The following SYT1 variants were observed in gnomAD, a reference collection of about 807,000 sequenced individuals.
SYT1 encodes synaptotagmin-1.
SYT1 carries 8 observed loss-of-function variants against 44.8 expected under a neutral mutation model. That is an observed-to-expected ratio of 0.18 (90% CI 0.10 to 0.32). SYT1 has a LOEUF of 0.32. SYT1 is among the 10% of genes least tolerant of loss of function. SYT1 has a pLI of 1.00. For synonymous variants in SYT1, 154 were observed against 188.8 expected (o/e 0.82, Z 1.51); for missense variants, 286 against 509.3 (o/e 0.56, Z 4.22).
At chr12:78,992,808 GC>G (rs1870107295) in intron 2 of SYT1, among the ~76,000 whole-genome samples, 1 of 152,122 alleles carries the variant, frequency 6.6e-6, no homozygotes, top group Non-Finnish European at 1.5e-5. Flanking sequence ...TATCTGAGCT[GC>G]AGTCATCATG....
intron 2 of SYT1, among the ~76,000 whole-genome samples, chr12:78,989,148 G>A (rs1027999241): frequency 3.9e-5 from 6 of 152,024 alleles, no homozygotes; most frequent in African/African-American, 1.4e-4. Context: ...GGTAGGGGAG[G>A]AGAAAACAAA....
intron 1 of SYT1, among the ~76,000 whole-genome samples, chr12:78,953,576 G>A: frequency 6.6e-6 from 1 of 152,022 alleles, no homozygotes; most frequent in Non-Finnish European, 1.5e-5. Flanking sequence ...CATGGAAATG[G>A]AAATAATGCA....
intron 2 of SYT1, among the ~76,000 whole-genome samples, chr12:79,026,298 C>T (rs780878175): frequency 4.6e-5 from 7 of 151,434 alleles, no homozygotes; most frequent in Non-Finnish European, 1.0e-4. Flanking sequence ...GTTATTATTG[C>T]TTCTTGATGA....
chr12:79,006,700 T>C (rs1467018602), intron 2 of SYT1, among the ~76,000 whole-genome samples: 1 of 152,132 alleles, frequency 6.6e-6, no homozygotes, highest in Admixed American at 6.6e-5. Flanking sequence ...TGTGAGAAGA[T>C]ATTCTCGGAA....
intron 4 of SYT1, among the ~76,000 whole-genome samples, chr12:79,278,928 A>G (rs1467641784): frequency 1.3e-5 from 2 of 151,834 alleles, no homozygotes; most frequent in African/African-American, 4.8e-5. Flanking sequence ...ATTCCTAAAA[A>G]CATATAGCCC....
At chr12:79,208,158 CAG>C (rs1424752720) in intron 3 of SYT1, among the ~76,000 whole-genome samples, 2 of 152,124 alleles carry the variant, frequency 1.3e-5, no homozygotes, top group Non-Finnish European at 1.5e-5. Context: ...TCCTGGAAAT[CAG>C]AGTCATGTTC....
At chr12:79,376,951 C>CTT (rs1884017662) in intron 9 of SYT1, among the ~76,000 whole-genome samples, 1 of 152,142 alleles carries the variant, frequency 6.6e-6, no homozygotes, top group Admixed American at 6.6e-5. Context: ...CTAGGGCAAA[C>CTT]AAGAAAGCAA....
At chr12:79,385,407 A>G (rs926844377) in intron 9 of SYT1, among the ~76,000 whole-genome samples, 9 of 152,200 alleles carry the variant, frequency 5.9e-5, no homozygotes, top group Non-Finnish European at 8.8e-5. Flanking sequence ...GATTGTTTGC[A>G]TAATTTATTT....
At chr12:78,934,002 C>T (rs766746753) in intron 1 of SYT1, among the ~76,000 whole-genome samples, 1 of 152,104 alleles carries the variant, frequency 6.6e-6, no homozygotes, top group South Asian at 2.1e-4. Context: ...TTGGTCAATA[C>T]AGTTATTCCC....
intron 4 of SYT1, among the ~76,000 whole-genome samples, chr12:79,249,472 C>T (rs1877066593): frequency 6.6e-6 from 1 of 152,062 alleles, no homozygotes. Flanking sequence ...TCACATGCAT[C>T]CAGAGGAGAC....
intron 1 of SYT1, among the ~76,000 whole-genome samples, chr12:78,974,461 G>C (rs1312985999): frequency 6.6e-6 from 1 of 151,506 alleles, no homozygotes; most frequent in Non-Finnish European, 1.5e-5. Context: ...TTTTGTGATG[G>C]AGTCTTGCTC....
At chr12:79,178,080 G>T (rs1872009631) in intron 3 of SYT1, among the ~76,000 whole-genome samples, 2 of 151,884 alleles carry the variant, frequency 1.3e-5, no homozygotes, top group African/African-American at 4.8e-5. Flanking sequence ...TTTGGCTTTT[G>T]TTGCCATTGC....
chr12:79,212,682 T>A (rs1383114259), intron 3 of SYT1, among the ~76,000 whole-genome samples: 1 of 152,218 alleles, frequency 6.6e-6, no homozygotes, highest in Admixed American at 6.5e-5. Context: ...TTAAGTACTA[T>A]GTTTCCTTTC....
intron 2 of SYT1, among the ~76,000 whole-genome samples, chr12:79,028,822 G>T (rs933403340): frequency 2.0e-5 from 3 of 151,280 alleles, no homozygotes; most frequent in African/African-American, 7.3e-5. Context: ...CGTTCCATAA[G>T]TAAAAACTTC....
intron 3 of SYT1, among the ~76,000 whole-genome samples, chr12:79,123,755 T>G (rs537860314): frequency 1.3e-5 from 2 of 152,276 alleles, no homozygotes; most frequent in South Asian, 2.1e-4. Context: ...GAGCTCAAAT[T>G]AATGATTCCT....
intron 2 of SYT1, among the ~76,000 whole-genome samples, chr12:79,019,341 G>A (rs979185557): frequency 2.6e-5 from 4 of 152,028 alleles, no homozygotes; most frequent in Middle Eastern, 6.8e-3. Flanking sequence ...AAAATTTGAA[G>A]CCAAATTAAG....
chr12:79,312,502 A>T (rs951300499), intron 8 of SYT1, among the ~76,000 whole-genome samples: 1 of 152,036 alleles, frequency 6.6e-6, no homozygotes, highest in Non-Finnish European at 1.5e-5. Flanking sequence ...TTAAGCTAGA[A>T]TTTTCCCTTT....
intron 10 of SYT1, among the ~76,000 whole-genome samples, chr12:79,446,354 TTAAATCAGTATA>T (rs1237425901): frequency 6.6e-6 from 1 of 152,044 alleles, no homozygotes; most frequent in Non-Finnish European, 1.5e-5. Flanking sequence ...AACAATAAGA[TTAAATCAGTATA>T]TAAATCAGTG....
intron 9 of SYT1, among the ~76,000 whole-genome samples, chr12:79,416,370 T>C (rs1868740654): frequency 6.6e-6 from 1 of 152,210 alleles, no homozygotes; most frequent in East Asian, 1.9e-4. Context: ...TGAACATCTT[T>C]GCCATTTTCA....
Sources: allele counts gnomAD v4.1 joint callset (sites outside exome capture counted in the v4.1 genomes callset), GRCh38; gene constraint gnomAD v4.1.1; transcripts MANE v1.5; gene names NCBI Gene and HGNC (gene_info 2026-07-23, HGNC 2026-07-21).